P2RX5: variants seen among roughly 807,000 people sequenced by gnomAD.
The protein encoded by P2RX5 is P2X purinoceptor 5.
In P2RX5, 46 loss-of-function variants were observed where a neutral mutation model predicts 54.1. That is an observed-to-expected ratio of 0.85 (90% CI 0.67 to 1.09). P2RX5 has a LOEUF of 1.09. Among genes scored for constraint, P2RX5 ranks in the 50% least tolerant of loss-of-function variants. The probability of loss-of-function intolerance (pLI) is 0.00; values close to 1 mark genes in which losing one functional copy is unlikely to be tolerated. For missense variants in P2RX5, 566 were observed against 549.8 expected, an observed-to-expected ratio of 1.03 and a Z score of -0.29; for synonymous variants, 226 against 226.4, an observed-to-expected ratio of 1.00 and a Z score of 0.02.
Position 3,690,162 on chromosome 17 carries a change from C to A in P2RX5, c.534-12G>T, listed in dbSNP as rs765964939. On this transcript the variant is annotated splice_polypyrimidine_tract_variant and intron_variant, in intron 5 of 11. Transcript: ENST00000225328. The stretch of plus-strand genomic sequence containing the variant: ...TCAGGAATGGCTCCCTGAAAACCAA[C>A]CCAGAACAGCCTGTCCAGGAGGCCC... 7 of 1,612,574 alleles carry A rather than the reference C, an allele frequency of 4.3e-6. No homozygotes were observed. The South Asian group carries it at 6.6e-5, about 15-fold the overall frequency.
chr17:3,707,560 T>G, the P2RX5 span, among the ~76,000 whole-genome samples: 1 of 151,972 alleles, frequency 6.6e-6, no homozygotes, highest in Non-Finnish European at 1.5e-5. Flanking sequence ...GCCTCAGATC[T>G]CACAGCTCTA....
chr17:3,679,487 G>C, intron 11 of P2RX5, 103 bp downstream of exon 11: 1 of 1,030,764 alleles, frequency 9.7e-7, no homozygotes, highest in Non-Finnish European at 1.5e-6. Context: ...GCTCACACCA[G>C]AGCAGAGGGG....
At chr17:3,679,497 G>A in intron 11 of P2RX5, 93 bp downstream of exon 11, 1 of 1,131,612 alleles carries the variant, frequency 8.8e-7, no homozygotes, top group South Asian at 1.3e-5. Flanking sequence ...GAGCAGAGGG[G>A]TCCGCTGGAG....
chr17:3,701,747 T>G, the P2RX5 span, among the ~76,000 whole-genome samples: 7 of 55,930 alleles, frequency 1.3e-4, no homozygotes, highest in Admixed American at 4.5e-4. Flanking sequence ...ATTTTCTCTG[T>G]TTTTTTTTTT....
upstream of P2RX5, among the ~76,000 whole-genome samples, chr17:3,699,094 C>CATAT (rs57191097): frequency 2.7e-4 from 29 of 106,966 alleles, no homozygotes; most frequent in Non-Finnish European, 4.2e-4. Flanking sequence ...CACACACACA[C>CATAT]CTATATATAT....
Position 3,679,723 on chromosome 17 carries a change from G to A in P2RX5, c.1126C>T (p.Gln376Ter). ...DEASGLGLSEQLTSGPGLLGM... is the reference protein window; with the variant it reads ...DEASGLGLSE ...AGCAGCCCTGGCCCAGATGTGAGCT[G>A]CTCAGATAGCCCCAGCCCCGATGCC... Residue 376 changes from glutamine (Q) to a stop codon, truncating the protein, a stop_gained, in exon 11 of 12, where the codon CAG (glutamine) becomes TAG (stop). Transcript: ENST00000225328. LOFTEE classifies it high-confidence loss of function. 6.2e-7 allele frequency: 1 copy of A among 1,612,422 alleles called. No homozygotes were observed. The highest frequency in any genetic ancestry group is 8.5e-7 in the Non-Finnish European group (1 of 1,179,830).
intron 1 of P2RX5, among the ~76,000 whole-genome samples, chr17:3,694,245 A>C (rs2050696288): frequency 6.6e-6 from 1 of 151,236 alleles, no homozygotes; most frequent in African/African-American, 2.4e-5. Flanking sequence ...AAAAAAAAAA[A>C]GGCCGCATAC....
At chr17:3,715,531 C>A in the P2RX5 span, among the ~76,000 whole-genome samples, 1 of 151,974 alleles carries the variant, frequency 6.6e-6, no homozygotes, top group Non-Finnish European at 1.5e-5. Context: ...CGCAGAGGCA[C>A]GAACCTATTT....
intron 9 of P2RX5, among the ~76,000 whole-genome samples, chr17:3,683,551 T>A (rs2050344772): frequency 6.6e-6 from 1 of 152,050 alleles, no homozygotes; most frequent in Non-Finnish European, 1.5e-5. Context: ...GCCAACATGG[T>A]GAAACCCTGT....
chr17:3,688,845 A>C (rs1373654418), intron 7 of P2RX5, 86 bp from the exon 8 acceptor site: 1 of 1,476,610 alleles, frequency 6.8e-7, no homozygotes, highest in Non-Finnish European at 9.4e-7. Context: ...GGCACTGGAC[A>C]ATAGGAGGAG....
intron 11 of P2RX5, chr17:3,676,224 G>T (rs1470021258): frequency 4.1e-6 from 4 of 985,344 alleles, no homozygotes; most frequent in Non-Finnish European, 4.8e-6. Flanking sequence ...GGTAGGAGAA[G>T]AGAGCTAGTC....
intron 11 of P2RX5, among the ~76,000 whole-genome samples, chr17:3,679,137 G>C (rs1179392654): frequency 6.6e-6 from 1 of 152,192 alleles, no homozygotes; most frequent in African/African-American, 2.4e-5. Context: ...AGACACTGCC[G>C]GGATTCAAAT....
chr17:3,697,426 G>A (rs1182790704), upstream of P2RX5, among the ~76,000 whole-genome samples: 15 of 152,102 alleles, frequency 9.9e-5, no homozygotes, highest in Admixed American at 8.5e-4. Flanking sequence ...AGCTGCGCAC[G>A]CTTATTTTCT....
At chr17:3,689,898 G>A (rs1039752692) in intron 6 of P2RX5, among the ~76,000 whole-genome samples, 172 bp downstream of exon 6, 9 of 151,098 alleles carry the variant, frequency 6.0e-5, no homozygotes, top group South Asian at 4.2e-4. Context: ...ACAAACGCAC[G>A]CACACATGCA....
At chr17:3,719,975 C>T in the P2RX5 span, among the ~76,000 whole-genome samples, 6 of 152,306 alleles carry the variant, frequency 3.9e-5, no homozygotes, top group South Asian at 1.2e-3. Flanking sequence ...ATCCACCTGT[C>T]TCGGCCTCCC....
At chr17:3,690,719 C>T (rs2050590573) in intron 3 of P2RX5, 39 bp from the exon 4 acceptor site, 2 of 1,601,708 alleles carry the variant, frequency 1.2e-6, no homozygotes, top group Non-Finnish European at 1.7e-6. Context: ...GGGGGGTTCC[C>T]CCAGCTCAGA....
chr17:3,673,589 A>G lies in P2RX5; in HGVS notation c.*279T>C, dbSNP rs1597685430. ...GAAGGAAGTCATGTTCCCCATTTAC[A>G]ACCCGTTCCCTAGTGCGGGAAGCCA... On this transcript the variant is annotated 3_prime_UTR_variant, in exon 12 of 12. Transcript: ENST00000225328. The G allele has an allele frequency of 7.2e-7, 1 of 1,397,410 alleles. No homozygotes were observed. Among genetic ancestry groups the G allele is most frequent in the Non-Finnish European group, 9.3e-7 (1 of 1,076,094 alleles). The allele number at this position is 1,397,410 out of a possible 1,614,324, so 86.6% of individuals were successfully genotyped here.
At chr17:3,699,968 AAGAAAG>A, upstream of P2RX5, among the ~76,000 whole-genome samples, 1 of 138,186 alleles carries the variant, frequency 7.2e-6, no homozygotes, top group African/African-American at 2.5e-5. Flanking sequence ...GAAAGAAAGA[AAGAAAG>A]AAAATTAGTG....
chr17:3,699,077 ACACACACACACACACACC>A (rs2050798344), upstream of P2RX5, among the ~76,000 whole-genome samples: 2 of 110,936 alleles, frequency 1.8e-5, no homozygotes, highest in Admixed American at 2.2e-4. Context: ...ACACACACAC[ACACACACACACACACACC>A]TATATATATA....
Sources: allele counts gnomAD v4.1 joint callset (sites outside exome capture counted in the v4.1 genomes callset), GRCh38; gene constraint gnomAD v4.1.1; transcripts MANE v1.5; gene names NCBI Gene and HGNC (gene_info 2026-07-23, HGNC 2026-07-21).